Variants in PKNOX2 observed in about 807,000 individuals in gnomAD.
PKNOX2 encodes the protein homeobox protein PKNOX2.
In PKNOX2, 14 loss-of-function variants were observed where a neutral mutation model predicts 53.1. The observed-to-expected ratio is 0.26, with a 90% confidence interval of 0.17 to 0.41. The LOEUF is 0.41. PKNOX2 is among the 10% of genes least tolerant of loss of function. The pLI is 1.00. For synonymous variants in PKNOX2, 257 were observed against 242.8 expected (o/e 1.06, Z -0.54); for missense variants, 496 against 602.8 (o/e 0.82, Z 1.85).
chr11:125,218,409 G>T (rs921802160), intron 1 of PKNOX2, among the ~76,000 whole-genome samples: 1 of 150,952 alleles, frequency 6.6e-6, no homozygotes, highest in African/African-American at 2.4e-5. Context: ...GGCAGTGATG[G>T]GGGGGGGACA....
intron 5 of PKNOX2, among the ~76,000 whole-genome samples, chr11:125,383,921 T>A (rs1953430682): frequency 6.6e-6 from 1 of 151,884 alleles, no homozygotes; most frequent in Non-Finnish European, 1.5e-5. Flanking sequence ...GCCCAGCAAA[T>A]GGGACTACAT....
intron 4 of PKNOX2, among the ~76,000 whole-genome samples, chr11:125,359,342 G>C (rs374477872): frequency 2.3e-3 from 352 of 152,154 alleles, no homozygotes; most frequent in African/African-American, 7.9e-3. Flanking sequence ...GACCATATGG[G>C]GACCCACCTT....
At chr11:125,345,124 C>T (rs1254526423) in intron 3 of PKNOX2, among the ~76,000 whole-genome samples, 3 of 152,160 alleles carry the variant, frequency 2.0e-5, no homozygotes, top group Non-Finnish European at 4.4e-5. Context: ...CTCAGGGTCC[C>T]CAGCTTCCTT....
chr11:125,255,157 G>T (rs1944318786), intron 2 of PKNOX2, among the ~76,000 whole-genome samples: 1 of 152,348 alleles, frequency 6.6e-6, no homozygotes, highest in African/African-American at 2.4e-5. Context: ...CACATGGCTG[G>T]TTAGTGCGCT....
rs73027846 is a variant in PKNOX2, at chr11:125,410,907, A to T, written c.816+31A>T. 4.0e-3 allele frequency: 6,388 copies of T among 1,586,820 alleles called. 56 individuals are homozygous for T. The highest frequency in any genetic ancestry group is 0.032 in the Admixed American group (1,900 of 59,896). On this transcript the variant is annotated intron_variant, in intron 9 of 12. Transcript: ENST00000298282. ...TGTGTGTAGGTGTGTGCACATGTGC[A>T]TGGTGTGGGCTAGGGCACCTGTAAT...
chr11:125,363,594 CTAATGGCCTACCT>C (rs1370006479), intron 4 of PKNOX2, among the ~76,000 whole-genome samples: 2 of 152,138 alleles, frequency 1.3e-5, no homozygotes, highest in Admixed American at 1.3e-4. Flanking sequence ...CATGCCTACC[CTAATGGCCTACCT>C]GTCCCTGTCC....
In PKNOX2 at chr11:125,359,038, C is replaced by T. The variant is rs537531650; in HGVS notation, c.87+7646C>T. Among the ~76,000 whole-genome samples the T allele has an allele frequency of 3.3e-5, 5 of 150,034 alleles. 1 individual carries two copies. Among genetic ancestry groups the T allele is most frequent in the African/African-American group, 1.2e-4 (5 of 40,310 alleles). On this transcript the variant is annotated intron_variant, in intron 4 of 12. Transcript: ENST00000298282. ...CTGCAGCTGGGTGGGAGGCAGGTTG[C>T]AGGGGAGATGAGGACAGTCCCTGCT...
In PKNOX2 at chr11:125,166,562, C is replaced by T. The variant is rs989665256; in HGVS notation, c.-201+1786C>T. Reference sequence around the variant, plus strand: ...TCCAGGAGCCACCTGGGTCTGCGGGCGCAGCGCGGCGGGGCGGGAGCGGTG... The same window carrying T: ...TCCAGGAGCCACCTGGGTCTGCGGGTGCAGCGCGGCGGGGCGGGAGCGGTG... On this transcript the variant is annotated intron_variant, in intron 1 of 12. Transcript: ENST00000298282. The surrounding 1 kb of genome is among the most constrained non-coding windows in gnomAD (Gnocchi z 4.0). Among the ~76,000 whole-genome samples, 1 of 152,086 alleles carries T rather than the reference C, an allele frequency of 6.6e-6. No individual in the cohort carries two copies. Among genetic ancestry groups the T allele is most frequent in the African/African-American group, 2.4e-5 (1 of 41,422 alleles).
intron 6 of PKNOX2, among the ~76,000 whole-genome samples, chr11:125,388,448 G>A (rs893467744): frequency 6.6e-6 from 1 of 152,126 alleles, no homozygotes; most frequent in Non-Finnish European, 1.5e-5. Flanking sequence ...AAGCAAATGA[G>A]CTGAGATAAT....
At chr11:125,381,805 T>C (rs1257479356) in intron 5 of PKNOX2, among the ~76,000 whole-genome samples, 1 of 152,238 alleles carries the variant, frequency 6.6e-6, no homozygotes, top group Non-Finnish European at 1.5e-5. Context: ...AGCTCATTCC[T>C]GTCTCAAATG....
In PKNOX2 at chr11:125,293,873, C is replaced by T. The variant is rs181461283; in HGVS notation, c.-129-37946C>T. Among the ~76,000 whole-genome samples, 3 of 152,246 alleles carry T rather than the reference C, an allele frequency of 2.0e-5. No individual in the cohort carries two copies. In the East Asian group the frequency reaches 5.8e-4, roughly 29 times the overall value. On this transcript the variant is annotated intron_variant, in intron 2 of 12. Transcript: ENST00000298282. ...ATCCCTGGAGAAATGGAACATCTCC[C>T]ATCTCCCTCTTACCGCTTACTCAAA...
At chr11:125,174,397 A>G (rs754344005) in intron 1 of PKNOX2, among the ~76,000 whole-genome samples, 3 of 152,112 alleles carry the variant, frequency 2.0e-5, no homozygotes, top group Non-Finnish European at 2.9e-5. Flanking sequence ...GAAATTGAGA[A>G]CAAGCTATAT....
intron 1 of PKNOX2, among the ~76,000 whole-genome samples, chr11:125,210,215 C>T (rs1939660418): frequency 6.6e-6 from 1 of 152,096 alleles, no homozygotes; most frequent in Non-Finnish European, 1.5e-5. Context: ...TCCCATGGGC[C>T]AGTGGTTCTT....
intron 6 of PKNOX2, among the ~76,000 whole-genome samples, chr11:125,396,435 T>C (rs976375410): frequency 1.3e-5 from 2 of 152,218 alleles, no homozygotes; most frequent in Non-Finnish European, 2.9e-5. Flanking sequence ...TTTTTGCATG[T>C]GGATGTCTAA....
At position 125,286,326 on chromosome 11, in the gene PKNOX2, C is replaced by A. The variant is rs116974763; in HGVS notation, c.-129-45493C>A. 3.9e-4 allele frequency among the ~76,000 whole-genome samples: 60 copies of A among 152,282 alleles called. 1 individual carries two copies. The East Asian group carries it at 7.5e-3, about 19-fold the overall frequency. On this transcript the variant is annotated intron_variant, in intron 2 of 12. Coordinates refer to ENST00000298282, the MANE Select transcript of PKNOX2 (RefSeq NM_001382323.2). Reference sequence around the variant, plus strand: ...CAAAGGTTTAATAACTCAAATCATACCCTAAAGGTATTAGGAAGTTCTCAC... The same window carrying A: ...CAAAGGTTTAATAACTCAAATCATAACCTAAAGGTATTAGGAAGTTCTCAC...
chr11:125,422,120 A>G lies in PKNOX2; in HGVS notation c.937-6892A>G, dbSNP rs2135638290. Among the ~76,000 whole-genome samples the G allele has an allele frequency of 6.6e-6, 1 of 152,306 alleles. No individual in the cohort carries two copies. The highest frequency in any genetic ancestry group is 1.5e-5 in the Non-Finnish European group (1 of 68,018). ...CTCTTAGATAATCATCAATGCCCCT[A>G]TGATTCGTATTGGCCACAGGGAGTG... is the stretch of plus-strand genomic sequence containing the variant. On this transcript the variant is annotated intron_variant, in intron 10 of 12. Transcript: ENST00000298282. This position sits in a 1 kb window ranked among gnomAD's most constrained non-coding sequence, Gnocchi z 4.1.
intron 2 of PKNOX2, among the ~76,000 whole-genome samples, chr11:125,273,508 AG>A (rs1945955383): frequency 6.6e-6 from 1 of 152,150 alleles, no homozygotes; most frequent in Non-Finnish European, 1.5e-5. Context: ...GCCAAGAAAA[AG>A]GTTCTCAACT....
chr11:125,194,582 A>C (rs764535558), intron 1 of PKNOX2, among the ~76,000 whole-genome samples: 1 of 151,670 alleles, frequency 6.6e-6, no homozygotes, highest in Non-Finnish European at 1.5e-5. Context: ...AGAGAGGGGC[A>C]CTCAGCCTCT....
chr11:125,373,507 G>T (rs1307692117), intron 5 of PKNOX2, among the ~76,000 whole-genome samples: 1 of 152,214 alleles, frequency 6.6e-6, no homozygotes, highest in Non-Finnish European at 1.5e-5. Flanking sequence ...TTGTCATGAG[G>T]TTTAAGTGAG....
Sources: gnomAD v4.1 joint callset for allele counts (sites outside exome capture counted in the v4.1 genomes callset) on GRCh38, gnomAD v4.1.1 for gene constraint, Gnocchi (gnomAD v3.1) non-coding constraint, MANE v1.5 for transcripts, NCBI Gene and HGNC (gene_info 2026-07-23, HGNC 2026-07-21) for gene names.